BRAF: variants seen among roughly 807,000 people sequenced by gnomAD.
BRAF encodes serine/threonine-protein kinase B-raf.
BRAF carries 16 observed loss-of-function variants against 104.6 expected under a neutral mutation model. That is an observed-to-expected ratio of 0.15 (90% CI 0.10 to 0.23). BRAF has a LOEUF of 0.23. Among genes scored for constraint, BRAF ranks in the 10% least tolerant of loss-of-function variants. BRAF has a pLI of 1.00. For missense variants in BRAF, 541 were observed against 937.3 expected, an observed-to-expected ratio of 0.58 and a Z score of 5.52; for synonymous variants, 310 against 341.6, an observed-to-expected ratio of 0.91 and a Z score of 1.02.
intron 14 of BRAF, among the ~76,000 whole-genome samples, chr7:140,768,349 C>T (rs1323626215): frequency 6.6e-6 from 1 of 152,228 alleles, no homozygotes; most frequent in Non-Finnish European, 1.5e-5. Context: ...ACATTTGCCT[C>T]CTGCTACAGT....
chr7:140,801,303 A>G (rs1022651661), intron 6 of BRAF, 109 bp downstream of exon 6: 34 of 1,280,294 alleles, frequency 2.7e-5, no homozygotes, highest in Admixed American at 6.4e-5. Flanking sequence ...TCTCTATAAC[A>G]ATCGTATGGA....
chr7:140,828,690 T>C (rs1019582944), intron 3 of BRAF, among the ~76,000 whole-genome samples: 2 of 152,218 alleles, frequency 1.3e-5, no homozygotes, highest in African/African-American at 4.8e-5. Flanking sequence ...TGACATTCTA[T>C]ATTTTTTTCT....
intron 1 of BRAF, among the ~76,000 whole-genome samples, chr7:140,895,112 A>G (rs370850042): frequency 5.3e-5 from 8 of 152,300 alleles, no homozygotes; most frequent in African/African-American, 1.9e-4. Flanking sequence ...TCAACAATCA[A>G]TTAAAAGAAT....
intron 11 of BRAF, among the ~76,000 whole-genome samples, chr7:140,782,524 C>T (rs1284188973): frequency 6.7e-6 from 1 of 149,530 alleles, no homozygotes; most frequent in African/African-American, 2.5e-5. Context: ...TCCTCTTATT[C>T]AACAATTAGT....
intron 14 of BRAF, among the ~76,000 whole-genome samples, chr7:140,765,057 G>C (rs1342856912): frequency 6.6e-6 from 1 of 152,066 alleles, no homozygotes; most frequent in Non-Finnish European, 1.5e-5. Context: ...TATACTACAA[G>C]GCTACAGTAA....
At position 140,787,529 on chromosome 7, in the gene BRAF, A is replaced by G. The variant is rs1416374447; in HGVS notation, c.1177+19T>C. On this transcript the variant is annotated intron_variant, in intron 9 of 19. Transcript: ENST00000644969. ...GCAGTTTCCTTGAGTTTTTAAAAAA[A>G]CCTGAAATCACTACTTACCTCCATC... The G allele has an allele frequency of 2.5e-6, 4 of 1,608,794 alleles. No individual in the cohort carries two copies. The highest frequency in any genetic ancestry group is 3.3e-4 in the Middle Eastern group (2 of 6,074).
rs532019112 is a variant in BRAF, at chr7:140,888,738, G to A, written c.138+35828C>T. On this transcript the variant is annotated intron_variant, in intron 1 of 19. Coordinates refer to ENST00000644969, the MANE Select transcript of BRAF (RefSeq NM_001374258.1). ...TAATCCTAGCTACTCAGGAGGCTGT[G>A]GCAAGAGAATCGCTTGAATCTGGGA... Among the ~76,000 whole-genome samples the A allele has an allele frequency of 2.0e-5, 3 of 152,112 alleles. No homozygotes were observed. In the South Asian group the frequency reaches 6.2e-4, roughly 32 times the overall value.
chr7:140,914,907 G>A (rs1299147047), intron 1 of BRAF, among the ~76,000 whole-genome samples: 7 of 142,154 alleles, frequency 4.9e-5, no homozygotes, highest in Non-Finnish European at 9.1e-5. Context: ...GGGCATGGTG[G>A]CATGCGCCTG....
intron 5 of BRAF, among the ~76,000 whole-genome samples, chr7:140,806,400 G>C (rs1461037087): frequency 6.6e-6 from 1 of 152,164 alleles, no homozygotes; most frequent in African/African-American, 2.4e-5. Flanking sequence ...CCCTAGGTAA[G>C]ATATGGTATT....
intron 1 of BRAF, among the ~76,000 whole-genome samples, chr7:140,875,452 T>C (rs1812122992): frequency 1.3e-5 from 2 of 152,232 alleles, no homozygotes; most frequent in African/African-American, 4.8e-5. Flanking sequence ...CTCAGCTCAA[T>C]GCAACCTCCG....
chr7:140,874,110 C>T (rs1451907229), intron 1 of BRAF, among the ~76,000 whole-genome samples: 1 of 151,666 alleles, frequency 6.6e-6, no homozygotes, highest in Non-Finnish European at 1.5e-5. Context: ...AGCAGCTAAT[C>T]GACAACACTG....
At chr7:140,804,307 C>T (rs1319117344) in intron 5 of BRAF, among the ~76,000 whole-genome samples, 2 of 151,414 alleles carry the variant, frequency 1.3e-5, no homozygotes, top group African/African-American at 4.9e-5. Context: ...TGGATTCAAG[C>T]GATTTTCCTG....
intron 3 of BRAF, among the ~76,000 whole-genome samples, chr7:140,814,080 T>C (rs1348474833): frequency 6.6e-6 from 1 of 152,174 alleles, no homozygotes; most frequent in East Asian, 1.9e-4. Context: ...AAAAGAGGTA[T>C]TTTTGTAATA....
At chr7:140,791,697 C>T (rs1801985574) in intron 8 of BRAF, among the ~76,000 whole-genome samples, 1 of 152,180 alleles carries the variant, frequency 6.6e-6, no homozygotes, top group Non-Finnish European at 1.5e-5. Flanking sequence ...TATATGCCCC[C>T]AAAAAGCTAA....
chr7:140,912,736 CAG>C (rs1817127302), intron 1 of BRAF, among the ~76,000 whole-genome samples: 1 of 152,162 alleles, frequency 6.6e-6, no homozygotes, highest in Admixed American at 6.5e-5. Context: ...TTAGTAGAGA[CAG>C]GGTTTCACCA....
At position 140,719,635 on chromosome 7, in the gene BRAF, A is replaced by C; in HGVS notation, c.*6859T>G. The C allele has an allele frequency of 9.4e-7, 1 of 1,063,252 alleles. No individual in the cohort carries two copies. The highest frequency in any genetic ancestry group is 5.0e-5 in the East Asian group (1 of 19,852). The allele number at this position is 1,063,252 out of a possible 1,614,324, so 65.9% of individuals were successfully genotyped here. ...GGGGAGAATTAAAAAAAATAATAAA[A>C]GATTCAAGCAAACATTGAGAATAGG... On this transcript the variant is annotated 3_prime_UTR_variant, in exon 20 of 20. Transcript: ENST00000644969.
intron 2 of BRAF, chr7:140,835,075 CTA>C: frequency 3.3e-6 from 2 of 614,112 alleles, no homozygotes; most frequent in Non-Finnish European, 5.7e-6. Context: ...AGACACTACA[CTA>C]TATTACACCT....
chr7:140,796,659 T>C (rs1031834818), intron 7 of BRAF, among the ~76,000 whole-genome samples: 1 of 152,214 alleles, frequency 6.6e-6, no homozygotes, highest in Non-Finnish European at 1.5e-5. Context: ...AAACTCAATT[T>C]GGTAGTTGGT....
chr7:140,812,593 T>A (rs550954612), intron 3 of BRAF, among the ~76,000 whole-genome samples: 2 of 152,328 alleles, frequency 1.3e-5, no homozygotes, highest in African/African-American at 4.8e-5. Flanking sequence ...TTCTGCTCTA[T>A]TACCAAGGCA....
Sources: gnomAD v4.1 joint callset for allele counts (sites outside exome capture counted in the v4.1 genomes callset) on GRCh38, gnomAD v4.1.1 for gene constraint, MANE v1.5 for transcripts, NCBI Gene and HGNC (gene_info 2026-07-23, HGNC 2026-07-21) for gene names.